Variants in ARHGAP25 observed in about 807,000 individuals in gnomAD.
ARHGAP25 encodes rho GTPase-activating protein 25.
ARHGAP25 carries 34 observed loss-of-function variants against 71.0 expected under a neutral mutation model. The observed-to-expected ratio is 0.48, with a 90% CI of 0.36 to 0.64. ARHGAP25 has a LOEUF of 0.64. Among genes scored for constraint, ARHGAP25 ranks in the 30% least tolerant of loss-of-function variants. The probability of loss-of-function intolerance (pLI) is 0.00; values close to 1 mark genes in which losing one functional copy is unlikely to be tolerated. For missense variants in ARHGAP25, 706 were observed against 805.1 expected, an observed-to-expected ratio of 0.88 and a Z score of 1.49; for synonymous variants, 282 against 296.5, an observed-to-expected ratio of 0.95 and a Z score of 0.50.
chr2:68,748,662 G>A (rs1256274456), intron 1 of ARHGAP25, among the ~76,000 whole-genome samples: 1 of 152,110 alleles, frequency 6.6e-6, no homozygotes, highest in Non-Finnish European at 1.5e-5. Flanking sequence ...ATTAGTGATT[G>A]AACAACAGTT....
Position 68,817,966 on chromosome 2 carries a change from G to T in ARHGAP25, c.975G>T (p.Lys325Asn). 2 of 1,614,176 alleles carry T rather than the reference G, an allele frequency of 1.2e-6. No individual in the cohort carries two copies. Among genetic ancestry groups the T allele is most frequent in the Non-Finnish European group, 1.7e-6 (2 of 1,179,994 alleles). ...TVIGVNLIRS[K>N]VEDPAVIMRG... ...TTGGTGTGAATCTCATCAGGTCGAA[G>T]GTCGAAGACCCTGCCGTGATCATGA... The change falls in exon 8 of 11, where the codon AAG (lysine) becomes AAT (asparagine). Residue 325 changes from lysine (K) to asparagine (N), a missense_variant. By Grantham distance (94) the Lys-to-Asn change is moderately conservative. Coordinates refer to ENST00000409202, the MANE Select transcript of ARHGAP25 (RefSeq NM_001007231.3).
chr2:68,753,263 G>T (rs1327199997), intron 1 of ARHGAP25, among the ~76,000 whole-genome samples: 1 of 152,222 alleles, frequency 6.6e-6, no homozygotes. Flanking sequence ...AACACAGCAA[G>T]TTGCTGTATG....
chr2:68,807,639 AT>A (rs1198415065), intron 5 of ARHGAP25, among the ~76,000 whole-genome samples, 159 bp downstream of exon 5: 1 of 152,182 alleles, frequency 6.6e-6, no homozygotes, highest in African/African-American at 2.4e-5. Flanking sequence ...ATGATTGGGA[AT>A]TTGGGAGACG....
intron 4 of ARHGAP25, among the ~76,000 whole-genome samples, chr2:68,801,830 T>C (rs1430161921): frequency 5.3e-5 from 8 of 152,204 alleles, no homozygotes; most frequent in Non-Finnish European, 1.0e-4. Flanking sequence ...CAGTTTTCTC[T>C]GAGAAGACAT....
At chr2:68,783,959 C>T (rs141947244) in intron 3 of ARHGAP25, among the ~76,000 whole-genome samples, 57 of 152,278 alleles carry the variant, frequency 3.7e-4, no homozygotes, top group African/African-American at 1.3e-3. Context: ...GTCCCAAAGC[C>T]TGGGTTTTCA....
chr2:68,817,199 A>C (rs1330954065), intron 7 of ARHGAP25, among the ~76,000 whole-genome samples: 1 of 152,180 alleles, frequency 6.6e-6, no homozygotes. Context: ...ATAATGTTTC[A>C]TCATTTGGAC....
chr2:68,772,485 C>A (rs968224824), intron 1 of ARHGAP25, among the ~76,000 whole-genome samples: 7 of 152,276 alleles, frequency 4.6e-5, no homozygotes, highest in African/African-American at 9.6e-5. Flanking sequence ...ACTGAGGCTA[C>A]TGAAGTGGGG....
intron 2 of ARHGAP25, among the ~76,000 whole-genome samples, chr2:68,722,622 A>G (rs1035925796): frequency 2.0e-5 from 3 of 151,420 alleles, no homozygotes; most frequent in African/African-American, 4.9e-5. Flanking sequence ...CACTATATTG[A>G]GTGCTTTTTA....
At chr2:68,768,681 A>G (rs1402568495) in intron 1 of ARHGAP25, among the ~76,000 whole-genome samples, 1 of 152,078 alleles carries the variant, frequency 6.6e-6, no homozygotes, top group Non-Finnish European at 1.5e-5. Context: ...TTTTCACGTC[A>G]CTCAAATCTT....
At chr2:68,801,445 C>T (rs1679955155) in intron 4 of ARHGAP25, among the ~76,000 whole-genome samples, 1 of 152,036 alleles carries the variant, frequency 6.6e-6, no homozygotes, top group Non-Finnish European at 1.5e-5. Flanking sequence ...AGAAAGTGTC[C>T]CAAGAAGAAG....
chr2:68,752,491 T>C (rs923165269), intron 1 of ARHGAP25, among the ~76,000 whole-genome samples: 2 of 152,178 alleles, frequency 1.3e-5, no homozygotes, highest in African/African-American at 4.8e-5. Flanking sequence ...TAGGGCTGTT[T>C]TCCCAACTCC....
chr2:68,749,787 C>T (rs894854315), intron 1 of ARHGAP25, among the ~76,000 whole-genome samples: 1 of 152,212 alleles, frequency 6.6e-6, no homozygotes, highest in Non-Finnish European at 1.5e-5. Context: ...CTTTTCTAAG[C>T]TCCCAAGTGA....
chr2:68,753,904 AT>A (rs4071637), intron 1 of ARHGAP25, among the ~76,000 whole-genome samples: 16,908 of 141,226 alleles, frequency 0.12, 930 homozygotes, highest in Middle Eastern at 0.14. Context: ...GGTAAGATGT[AT>A]TTTTTTTTTT....
intron 2 of ARHGAP25, among the ~76,000 whole-genome samples, chr2:68,719,503 A>G (rs1297919435): frequency 6.6e-6 from 1 of 151,980 alleles, no homozygotes; most frequent in Non-Finnish European, 1.5e-5. Context: ...TTTGGTGACC[A>G]GATGCAAAGT....
rs969151292 is a variant in ARHGAP25, at chr2:68,767,932, G to C, written c.62-7289G>C. Among the ~76,000 whole-genome samples the C allele has an allele frequency of 1.3e-5, 2 of 152,214 alleles. No individual in the cohort carries two copies. Among genetic ancestry groups the C allele is most frequent in the Non-Finnish European group, 2.9e-5 (2 of 68,040 alleles). On this transcript the variant is annotated intron_variant, in intron 1 of 10. Coordinates refer to ENST00000409202, the MANE Select transcript of ARHGAP25 (RefSeq NM_001007231.3). The surrounding 1 kb of genome is among the most constrained non-coding windows in gnomAD (Gnocchi z 4.6). ...GAGTAGTGGCTTTGTTCCCAGCTCAGTGAAAGGTGGCATGGTCTCTCCTGT... is the reference window on the plus strand; with the variant it reads ...GAGTAGTGGCTTTGTTCCCAGCTCACTGAAAGGTGGCATGGTCTCTCCTGT...
At chr2:68,752,339 T>C (rs1181332858) in intron 1 of ARHGAP25, among the ~76,000 whole-genome samples, 1 of 149,556 alleles carries the variant, frequency 6.7e-6, no homozygotes, top group African/African-American at 2.6e-5. Context: ...AAAAGAGAAA[T>C]ATTATGAATG....
intron 1 of ARHGAP25, among the ~76,000 whole-genome samples, chr2:68,756,406 C>A (rs748249303): frequency 2.6e-5 from 4 of 152,218 alleles, no homozygotes; most frequent in Admixed American, 6.5e-5. Context: ...AGCACCTCCC[C>A]CTCTGGCTGA....
chr2:68,725,662 C>T (rs1309752476), intron 2 of ARHGAP25, among the ~76,000 whole-genome samples: 1 of 152,154 alleles, frequency 6.6e-6, no homozygotes, highest in Non-Finnish European at 1.5e-5. Context: ...TCAAGGCACT[C>T]CTCTGCTGTA....
chr2:68,811,637 C>T (rs561260530), intron 5 of ARHGAP25, among the ~76,000 whole-genome samples: 2 of 76,642 alleles, frequency 2.6e-5, no homozygotes, highest in South Asian at 1.1e-3. Flanking sequence ...AGTTCACAGG[C>T]TGCAAAGGGG....
Sources: allele counts gnomAD v4.1 joint callset (sites outside exome capture counted in the v4.1 genomes callset), GRCh38; gene constraint gnomAD v4.1.1; non-coding constraint Gnocchi (gnomAD v3.1); transcripts MANE v1.5; gene names NCBI Gene and HGNC (gene_info 2026-07-23, HGNC 2026-07-21).